The following SYT14 variants were observed in gnomAD, a reference collection of about 807,000 sequenced individuals.
SYT14 encodes the protein synaptotagmin-14.
A neutral mutation model predicts 74.2 loss-of-function variants in SYT14; 32 were observed. That is an observed-to-expected ratio of 0.43 (90% CI 0.33 to 0.58). SYT14 has a LOEUF of 0.58. SYT14 is among the 20% of genes least tolerant of loss of function. The probability of loss-of-function intolerance (pLI) is 0.05; values close to 1 mark genes in which losing one functional copy is unlikely to be tolerated. For missense variants in SYT14, 791 were observed against 981.8 expected (o/e 0.81, Z 2.60); for synonymous variants, 298 against 337.7 (o/e 0.88, Z 1.29).
At chr1:210,123,300 C>A (rs986867353) in intron 7 of SYT14, among the ~76,000 whole-genome samples, 11 of 152,150 alleles carry the variant, frequency 7.2e-5, no homozygotes, top group Non-Finnish European at 2.9e-5. Context: ...GCAGATGAGA[C>A]ATACCACCTT....
At chr1:210,000,474 A>G (rs928355061) in intron 2 of SYT14, among the ~76,000 whole-genome samples, 16 of 149,262 alleles carry the variant, frequency 1.1e-4, no homozygotes, top group Non-Finnish European at 1.8e-4. Flanking sequence ...ACGCACACAC[A>G]CACACACACA....
At chr1:210,091,461 G>C (rs2102516413) in intron 5 of SYT14, among the ~76,000 whole-genome samples, 1 of 152,302 alleles carries the variant, frequency 6.6e-6, no homozygotes, top group East Asian at 1.9e-4. Flanking sequence ...TGCCGAGGCA[G>C]GCGGATTGCT....
At chr1:210,163,405 A>C (rs1181208516) in exon 10 of SYT14, 3 of 453,666 alleles carry the variant, frequency 6.6e-6, no homozygotes, top group Middle Eastern at 1.4e-3. Context: ...CCTCCACCCC[A>C]GCTGCCAAGT....
intron 5 of SYT14, among the ~76,000 whole-genome samples, chr1:210,042,601 A>G (rs895749111): frequency 3.3e-5 from 5 of 152,182 alleles, no homozygotes; most frequent in Non-Finnish European, 7.3e-5. Flanking sequence ...TCCCAACACC[A>G]TTTATTAAAT....
At chr1:210,156,683 CTTTTTTTTTT>C (rs71146208) in intron 8 of SYT14, among the ~76,000 whole-genome samples, 7 of 55,996 alleles carry the variant, frequency 1.3e-4, no homozygotes, top group South Asian at 1.0e-3. Context: ...GTGGCAGCTT[CTTTTTTTTTT>C]TTTTTTTTTT....
chr1:210,155,839 C>T, exon 8 of SYT14: 2 of 1,614,086 alleles, frequency 1.2e-6, no homozygotes, highest in Middle Eastern at 3.3e-4. Flanking sequence ...TATAATGCCA[C>T]AACTGGAAGA....
chr1:210,059,427 A>AATATATATATATATATATATAT (rs374307953), intron 5 of SYT14, among the ~76,000 whole-genome samples: 4 of 80,026 alleles, frequency 5.0e-5, no homozygotes, highest in African/African-American at 6.9e-5. Flanking sequence ...GACAAGAAAG[A>AATATATATATATATATATATAT]ATATATATAT....
chr1:210,163,921 C>T (rs1403901897), exon 10 of SYT14: 1 of 453,528 alleles, frequency 2.2e-6, no homozygotes, highest in South Asian at 1.6e-5. Context: ...CTGAAAAAGA[C>T]AACCCACTTT....
intron 2 of SYT14, among the ~76,000 whole-genome samples, chr1:209,995,439 T>C (rs115373901): frequency 0.014 from 2,088 of 152,280 alleles, 25 homozygotes; most frequent in Non-Finnish European, 0.02. Context: ...GACTTAATTA[T>C]CCTAAATACA....
chr1:210,052,378 C>A (rs1437471297), intron 5 of SYT14, among the ~76,000 whole-genome samples: 1 of 151,910 alleles, frequency 6.6e-6, no homozygotes, highest in Non-Finnish European at 1.5e-5. Context: ...CCGCCACTCT[C>A]CAGACCTGGC....
At chr1:209,967,642 T>G (rs1193919010) in intron 2 of SYT14, among the ~76,000 whole-genome samples, 1 of 152,124 alleles carries the variant, frequency 6.6e-6, no homozygotes, top group African/African-American at 2.4e-5. Context: ...ATCTGTAGAC[T>G]CAAATGAAGA....
intron 2 of SYT14, among the ~76,000 whole-genome samples, chr1:209,971,305 G>A (rs762811185): frequency 1.4e-4 from 21 of 151,980 alleles, no homozygotes; most frequent in Non-Finnish European, 2.2e-4. Context: ...GGGTTTTCTC[G>A]GCATAGCATC....
At chr1:209,945,114 C>A (rs9430024) in intron 1 of SYT14, among the ~76,000 whole-genome samples, 98,516 of 151,872 alleles carry the variant, frequency 0.65, 32,768 homozygotes, top group East Asian at 0.85. Flanking sequence ...CCTTGGCAAC[C>A]CTACCCTCCA....
At chr1:209,963,015 A>G (rs1245527702) in intron 2 of SYT14, among the ~76,000 whole-genome samples, 1 of 152,134 alleles carries the variant, frequency 6.6e-6, no homozygotes, top group African/African-American at 2.4e-5. Flanking sequence ...TGTTTTTCCT[A>G]ACCCTTCTGC....
At chr1:210,118,724 C>T (rs915182201) in intron 7 of SYT14, among the ~76,000 whole-genome samples, 5 of 152,106 alleles carry the variant, frequency 3.3e-5, no homozygotes, top group African/African-American at 9.7e-5. Context: ...GGTGATCCAT[C>T]TGCCTCTGCT....
At chr1:210,022,415 A>C (rs189351668) in intron 5 of SYT14, among the ~76,000 whole-genome samples, 327 of 152,352 alleles carry the variant, frequency 2.1e-3, no homozygotes, top group Non-Finnish European at 3.8e-3. Flanking sequence ...ACATTTTAGT[A>C]CTAGGGAAAA....
intron 7 of SYT14, among the ~76,000 whole-genome samples, chr1:210,134,037 G>C (rs374424684): frequency 2.6e-5 from 4 of 151,694 alleles, no homozygotes; most frequent in African/African-American, 9.7e-5. Flanking sequence ...GTTACAATTT[G>C]ATTGGTTAGG....
At chr1:210,000,025 G>A (rs1487763103) in intron 2 of SYT14, among the ~76,000 whole-genome samples, 1 of 152,026 alleles carries the variant, frequency 6.6e-6, no homozygotes, top group African/African-American at 2.4e-5. Flanking sequence ...CCATGAATAT[G>A]TGCAAAAATT....
At chr1:210,013,327 C>G (rs1240892270) in intron 2 of SYT14, among the ~76,000 whole-genome samples, 1 of 152,052 alleles carries the variant, frequency 6.6e-6, no homozygotes, top group Admixed American at 6.6e-5. Context: ...CACTTGGCCT[C>G]CCACAGTGCT....
Sources: allele counts gnomAD v4.1 joint callset (sites outside exome capture counted in the v4.1 genomes callset), GRCh38; gene constraint gnomAD v4.1.1; transcripts MANE v1.5; gene names NCBI Gene and HGNC (gene_info 2026-07-23, HGNC 2026-07-21).